PRKAR1B: variants seen among roughly 807,000 people sequenced by gnomAD.
PRKAR1B encodes the protein protein kinase cAMP-dependent type I regulatory subunit beta, also known as cAMP-dependent protein kinase type I-beta regulatory subunit.
PRKAR1B carries 22 observed loss-of-function variants against 46.5 expected under a neutral mutation model. The observed-to-expected ratio is 0.47, with a 90% CI of 0.34 to 0.68. PRKAR1B has a LOEUF of 0.68. Among genes scored for constraint, PRKAR1B ranks in the 30% least tolerant of loss-of-function variants. The probability of loss-of-function intolerance (pLI) is 0.01; values close to 1 mark genes in which losing one functional copy is unlikely to be tolerated. For missense variants in PRKAR1B, 445 were observed against 535.6 expected, an observed-to-expected ratio of 0.83 and a Z score of 1.67; for synonymous variants, 259 against 217.7, an observed-to-expected ratio of 1.19 and a Z score of -1.67.
At chr7:710,369 G>A (rs1014903184) in intron 2 of PRKAR1B, among the ~76,000 whole-genome samples, 22 of 152,198 alleles carry the variant, frequency 1.4e-4, no homozygotes, top group Non-Finnish European at 1.0e-4. Flanking sequence ...AGGAGCCCAC[G>A]GCGAGGGGGA....
intron 4 of PRKAR1B, among the ~76,000 whole-genome samples, chr7:625,849 A>G (rs576488036): frequency 2.3e-3 from 354 of 152,188 alleles, no homozygotes; most frequent in Non-Finnish European, 2.9e-3. Flanking sequence ...CTAGTAAAAA[A>G]TACACAAAAT....
At chr7:566,489 C>CCTTCAT (rs2128430902) in intron 9 of PRKAR1B, among the ~76,000 whole-genome samples, 1 of 115,318 alleles carries the variant, frequency 8.7e-6, no homozygotes, top group African/African-American at 3.2e-5. Context: ...ATCATCATCA[C>CCTTCAT]TATCATCACC....
In PRKAR1B at chr7:677,258, G is replaced by T; in HGVS notation, c.411C>A (p.Leu137=). The part of the protein sequence containing the change: ...ALAKAISKNV[L]FAHLDDNERS... ...TCTCGTTGTCATCCAGGTGAGCGAAGAGCACGTTCTTGGAGATGGCCTTGG... is the reference window on the plus strand; with the variant it reads ...TCTCGTTGTCATCCAGGTGAGCGAATAGCACGTTCTTGGAGATGGCCTTGG... Residue 137 remains leucine (L), a synonymous_variant, in exon 4 of 11, where the codon CTC becomes CTA. Coordinates refer to ENST00000537384, the MANE Select transcript of PRKAR1B (RefSeq NM_001164760.2). The T allele has an allele frequency of 6.2e-7, 1 of 1,614,268 alleles. No homozygotes were observed. The highest frequency in any genetic ancestry group is 1.7e-5 in the Admixed American group (1 of 60,036).
At chr7:712,217 A>T (rs1367057362) in intron 1 of PRKAR1B, among the ~76,000 whole-genome samples, 1 of 144,506 alleles carries the variant, frequency 6.9e-6, no homozygotes. Context: ...CCACCCAGAG[A>T]CCCCGCGCCC....
At chr7:711,599 C>A (rs1340056070) in intron 1 of PRKAR1B, 72 bp from the exon 2 acceptor site, 2 of 1,368,016 alleles carry the variant, frequency 1.5e-6, no homozygotes, top group Admixed American at 4.1e-5. Flanking sequence ...ACGCAGGCGG[C>A]GTGAACCAGG....
At chr7:646,739 G>A (rs1300948801) in intron 4 of PRKAR1B, among the ~76,000 whole-genome samples, 2 of 152,304 alleles carry the variant, frequency 1.3e-5, no homozygotes, top group Non-Finnish European at 2.9e-5. Flanking sequence ...AGCATCCTAC[G>A]ACGGGGCCGC....
intron 7 of PRKAR1B, among the ~76,000 whole-genome samples, chr7:586,560 T>C (rs1263310370): frequency 6.6e-6 from 1 of 152,126 alleles, no homozygotes; most frequent in Non-Finnish European, 1.5e-5. Flanking sequence ...CATAAGACCT[T>C]CTGATCCCCC....
chr7:693,925 T>C (rs1041636879), intron 2 of PRKAR1B, among the ~76,000 whole-genome samples: 2 of 152,220 alleles, frequency 1.3e-5, no homozygotes, highest in African/African-American at 4.8e-5. Flanking sequence ...GTTTCATTTT[T>C]GCTTTTGTTT....
At chr7:675,941 G>T (rs1163442025) in intron 4 of PRKAR1B, among the ~76,000 whole-genome samples, 3 of 152,108 alleles carry the variant, frequency 2.0e-5, no homozygotes, top group Non-Finnish European at 4.4e-5. Context: ...GCAAGACTCT[G>T]TCTAAAATAA....
chr7:631,606 A>C (rs1300124458), intron 4 of PRKAR1B, among the ~76,000 whole-genome samples: 2 of 152,144 alleles, frequency 1.3e-5, no homozygotes, highest in Non-Finnish European at 2.9e-5. Context: ...CAGGCCCACC[A>C]CGCAAACCCA....
intron 8 of PRKAR1B, among the ~76,000 whole-genome samples, chr7:583,457 T>TCA (rs1348626292): frequency 8.9e-6 from 1 of 112,166 alleles, no homozygotes; most frequent in Non-Finnish European, 1.8e-5. Context: ...TCACACCCAC[T>TCA]CACACACGTG....
intron 2 of PRKAR1B, among the ~76,000 whole-genome samples, chr7:683,488 TC>T (rs1161156511): frequency 6.6e-6 from 1 of 152,080 alleles, no homozygotes; most frequent in Admixed American, 6.6e-5. Context: ...CGCCCTGGCT[TC>T]CTGCGGACTC....
chr7:623,970 C>G (rs1273747001), intron 4 of PRKAR1B, among the ~76,000 whole-genome samples: 1 of 152,112 alleles, frequency 6.6e-6, no homozygotes, highest in African/African-American at 2.4e-5. Context: ...CATTCTTGGG[C>G]TTCCAACCAG....
At chr7:608,315 G>T (rs963024900) in intron 4 of PRKAR1B, 1 of 152,154 alleles carries the variant, frequency 6.6e-6, no homozygotes, top group African/African-American at 2.4e-5. Context: ...CCTCCTGCCT[G>T]CCCTGATTAC....
At chr7:588,447 A>ATGACGG (rs1249859894) in intron 7 of PRKAR1B, among the ~76,000 whole-genome samples, 4 of 114,752 alleles carry the variant, frequency 3.5e-5, no homozygotes, top group Non-Finnish European at 5.5e-5. Flanking sequence ...GACAGTGGTG[A>ATGACGG]TGGTGATGGT....
At chr7:706,163 A>T (rs1338264443) in intron 2 of PRKAR1B, among the ~76,000 whole-genome samples, 1 of 152,052 alleles carries the variant, frequency 6.6e-6, no homozygotes, top group Non-Finnish European at 1.5e-5. Flanking sequence ...CCGTCTCCAC[A>T]AAAAATACAA....
intron 6 of PRKAR1B, among the ~76,000 whole-genome samples, chr7:605,849 C>T (rs1313922341): frequency 6.6e-6 from 1 of 152,176 alleles, no homozygotes. Context: ...GGTGGGTGAG[C>T]CTGGTGTATT....
At chr7:579,075 C>G in intron 9 of PRKAR1B, 181 bp downstream of exon 9, 2 of 985,476 alleles carry the variant, frequency 2.0e-6, no homozygotes, top group Non-Finnish European at 2.4e-6. Context: ...CAGGAGGAAT[C>G]TCAGTGGCAG....
rs1784551740 is a variant in PRKAR1B at position 644,866 on chromosome 7, G to C, written c.440+32363C>G. On this transcript the variant is annotated intron_variant, in intron 4 of 10. Coordinates refer to ENST00000537384, the MANE Select transcript of PRKAR1B (RefSeq NM_001164760.2). This position sits in a 1 kb window ranked among gnomAD's most constrained non-coding sequence, Gnocchi z 4.9. ...GCCAAAGGGTCCCGTGTGCTGCAGAGCTGAGTCCTGGGCCTGCTCAGAGGC... is the reference window on the plus strand; with the variant it reads ...GCCAAAGGGTCCCGTGTGCTGCAGACCTGAGTCCTGGGCCTGCTCAGAGGC... Among the ~76,000 whole-genome samples the C allele has an allele frequency of 6.6e-6, 1 of 152,168 alleles. No homozygotes were observed. Among genetic ancestry groups the C allele is most frequent in the Non-Finnish European group, 1.5e-5 (1 of 68,034 alleles).
Sources: allele counts gnomAD v4.1 joint callset (sites outside exome capture counted in the v4.1 genomes callset), GRCh38; gene constraint gnomAD v4.1.1; non-coding constraint Gnocchi (gnomAD v3.1); transcripts MANE v1.5; gene names NCBI Gene and HGNC (gene_info 2026-07-23, HGNC 2026-07-21).